The following GRIA2 variants were observed in gnomAD, a reference collection of about 807,000 sequenced individuals.
GRIA2 encodes the protein glutamate receptor 2.
A neutral mutation model predicts 97.3 loss-of-function variants in GRIA2; 14 were observed. The observed-to-expected ratio is 0.14, with a 90% CI of 0.10 to 0.23. The LOEUF (loss-of-function observed/expected upper bound fraction) is 0.23, where lower values mean the gene tolerates loss of function less well. Ranked by LOEUF, GRIA2 falls within the 10% of genes least tolerant of loss-of-function variation. The pLI, the probability that GRIA2 is intolerant of heterozygous loss-of-function variation, is 1.00. For missense variants in GRIA2, 558 were observed against 1,069.8 expected (o/e 0.52, Z 6.67); for synonymous variants, 412 against 387.8 (o/e 1.06, Z -0.73).
chr4:157,238,765 A>G (rs1730361394), intron 2 of GRIA2, among the ~76,000 whole-genome samples: 1 of 152,130 alleles, frequency 6.6e-6, no homozygotes, highest in African/African-American at 2.4e-5. Context: ...AAGTAAATCA[A>G]TTTCTGATAT....
intron 2 of GRIA2, among the ~76,000 whole-genome samples, chr4:157,225,024 G>A (rs1443895686): frequency 6.6e-6 from 1 of 151,920 alleles, no homozygotes; most frequent in Non-Finnish European, 1.5e-5. Flanking sequence ...ACTTCAAAAG[G>A]GAAAATTTAT....
intron 2 of GRIA2, among the ~76,000 whole-genome samples, chr4:157,224,189 A>G (rs964834574): frequency 8.5e-5 from 13 of 152,194 alleles, no homozygotes; most frequent in African/African-American, 3.1e-4. Context: ...TAAAATAAAT[A>G]TGTTCACATT....
chr4:157,332,758 G>A, intron 6 of GRIA2, 61 bp from the exon 7 acceptor site: 6 of 1,245,250 alleles, frequency 4.8e-6, no homozygotes, highest in Non-Finnish European at 7.0e-6. Context: ...CTTGATTGCT[G>A]GGGTGCAGTG....
intron 10 of GRIA2, among the ~76,000 whole-genome samples, 200 bp from the exon 11 acceptor site, chr4:157,336,177 G>A (rs138560396): frequency 2.7e-4 from 41 of 152,044 alleles, no homozygotes; most frequent in Non-Finnish European, 4.6e-4. Context: ...AAGCCAGCTG[G>A]GTATACTGTG....
At chr4:157,238,280 G>A (rs371275653) in intron 2 of GRIA2, among the ~76,000 whole-genome samples, 19 of 152,150 alleles carry the variant, frequency 1.2e-4, no homozygotes, top group African/African-American at 3.6e-4. Context: ...TTGGCCAACC[G>A]TCAGGGAAAT....
chr4:157,245,262 C>CA (rs1211856475), intron 2 of GRIA2, among the ~76,000 whole-genome samples: 1 of 151,962 alleles, frequency 6.6e-6, no homozygotes, highest in African/African-American at 2.4e-5. Context: ...AAGGTGGCAT[C>CA]ATATACTTCA....
At chr4:157,319,269 T>G (rs1734453223) in intron 5 of GRIA2, among the ~76,000 whole-genome samples, 1 of 152,162 alleles carries the variant, frequency 6.6e-6, no homozygotes, top group Admixed American at 6.6e-5. Flanking sequence ...AGAGCCACAT[T>G]GAAAGCTGTG....
chr4:157,291,997 G>C (rs1579337467), intron 2 of GRIA2, among the ~76,000 whole-genome samples: 1 of 151,928 alleles, frequency 6.6e-6, no homozygotes, highest in South Asian at 2.1e-4. Context: ...ATGTTTGAAA[G>C]GTATGAATAA....
intron 3 of GRIA2, among the ~76,000 whole-genome samples, chr4:157,311,257 C>T (rs541047767): frequency 7.2e-5 from 11 of 152,082 alleles, no homozygotes; most frequent in South Asian, 4.1e-4. Flanking sequence ...AAGTCAAGCA[C>T]GTTTTTAAAA....
At chr4:157,309,435 A>G (rs1733979986) in intron 3 of GRIA2, among the ~76,000 whole-genome samples, 1 of 144,418 alleles carries the variant, frequency 6.9e-6, no homozygotes, top group Non-Finnish European at 1.5e-5. Flanking sequence ...CACTGCAATC[A>G]CCACCTCCCA....
At position 157,251,907 on chromosome 4, in the gene GRIA2, G is replaced by T. The variant is rs527470725; in HGVS notation, c.229+30100G>T. Among the ~76,000 whole-genome samples the T allele has an allele frequency of 2.6e-5, 4 of 152,110 alleles. No individual in the cohort carries two copies. In the South Asian group the frequency reaches 8.3e-4, roughly 32 times the overall value. Reference sequence around the variant, plus strand: ...GTGTTAGGTTGCCAGGCATTCTTGAGACCCTATACGGGGATCTACAAAATA... The same window carrying T: ...GTGTTAGGTTGCCAGGCATTCTTGATACCCTATACGGGGATCTACAAAATA... On this transcript the variant is annotated intron_variant, in intron 2 of 15. Transcript: ENST00000264426.
intron 2 of GRIA2, among the ~76,000 whole-genome samples, chr4:157,289,216 T>C (rs554264874): frequency 6.6e-6 from 1 of 151,916 alleles, no homozygotes; most frequent in Admixed American, 6.6e-5. Flanking sequence ...AATTTCAATA[T>C]GTCCCTTAAA....
intron 12 of GRIA2, among the ~76,000 whole-genome samples, chr4:157,344,577 C>G (rs1036336100): frequency 6.6e-6 from 1 of 152,096 alleles, no homozygotes; most frequent in Non-Finnish European, 1.5e-5. Context: ...CAATAATACA[C>G]TTTTACCACT....
chr4:157,269,092 T>C (rs1256839621), intron 2 of GRIA2, among the ~76,000 whole-genome samples: 1 of 152,050 alleles, frequency 6.6e-6, no homozygotes, highest in Non-Finnish European at 1.5e-5. Context: ...ATAGTGGTAG[T>C]ATGGGAGGTT....
At chr4:157,290,855 T>C (rs1259409552) in intron 2 of GRIA2, among the ~76,000 whole-genome samples, 1 of 151,774 alleles carries the variant, frequency 6.6e-6, no homozygotes. Context: ...CCTGGGTAGT[T>C]CACAATTCAG....
intron 2 of GRIA2, among the ~76,000 whole-genome samples, chr4:157,267,482 T>C (rs1476578268): frequency 1.3e-5 from 2 of 151,652 alleles, no homozygotes; most frequent in East Asian, 3.9e-4. Context: ...CTGTAAGGAG[T>C]TTCTGCTAAC....
chr4:157,341,760 A>G lies in GRIA2; in HGVS notation c.2043+298A>G, dbSNP rs193035637. 7.2e-5 allele frequency among the ~76,000 whole-genome samples: 11 copies of G among 152,288 alleles called. No individual in the cohort carries two copies. In the East Asian group the frequency reaches 2.1e-3, roughly 29 times the overall value. On this transcript the variant is annotated intron_variant, in intron 12 of 15. Coordinates refer to ENST00000264426, the MANE Select transcript of GRIA2 (RefSeq NM_001083619.3). ...AGCAAAGTATAGTAGTTAAGTTTAG[A>G]TTATTATGCTTTCAGCAAAACATCT...
intron 2 of GRIA2, among the ~76,000 whole-genome samples, chr4:157,265,830 T>G (rs534050579): frequency 6.6e-6 from 1 of 152,168 alleles, no homozygotes; most frequent in East Asian, 1.9e-4. Context: ...AGACTTTGGG[T>G]AGTTTTAAGC....
chr4:157,355,951 T>TTATATATA lies in GRIA2; in HGVS notation c.2044-3938_2044-3937insATATATAT, dbSNP rs1553958593. 1.3e-3 allele frequency among the ~76,000 whole-genome samples: 87 copies of TTATATATA among 68,094 alleles called. 4 individuals carry two copies. The highest frequency in any genetic ancestry group is 1.8e-3 in the Non-Finnish European group (76 of 41,864). 44.7% of individuals were successfully genotyped at this position (68,094 alleles called of 152,430 possible). On this transcript the variant is annotated intron_variant, in intron 12 of 15. Transcript: ENST00000264426. ...TATATATTTATATATTAATATATAT[T>TTATATATA]TATATATTTATGTATATTAATATAT...
Sources: allele counts gnomAD v4.1 joint callset (sites outside exome capture counted in the v4.1 genomes callset), GRCh38; gene constraint gnomAD v4.1.1; transcripts MANE v1.5; gene names NCBI Gene and HGNC (gene_info 2026-07-23, HGNC 2026-07-21).